Variants in CCDC57 observed in about 807,000 individuals in gnomAD.
The protein encoded by CCDC57 is coiled-coil domain containing 57.
A neutral mutation model predicts 118.9 loss-of-function variants in CCDC57; 118 were observed. That is an observed-to-expected ratio of 0.99 (90% CI 0.86 to 1.16). The LOEUF (loss-of-function observed/expected upper bound fraction) is 1.16, where lower values mean the gene tolerates loss of function less well. CCDC57 is among the 50% of genes most tolerant of loss of function. CCDC57 has a pLI of 0.00. For missense variants in CCDC57, 1,300 were observed against 1,320.7 expected, an observed-to-expected ratio of 0.98 and a Z score of 0.24; for synonymous variants, 527 against 532.9, an observed-to-expected ratio of 0.99 and a Z score of 0.15.
At chr17:82,152,132 C>T (rs375722773) in intron 15 of CCDC57, 4 of 282,714 alleles carry the variant, frequency 1.4e-5, no homozygotes, top group African/African-American at 6.6e-5. Context: ...CCAACCAGCA[C>T]AGCAGCTCCC....
At chr17:82,183,631 C>A (rs2046474438) in intron 9 of CCDC57, 143 bp downstream of exon 8, 1 of 813,988 alleles carries the variant, frequency 1.2e-6, no homozygotes, top group South Asian at 2.0e-5. Flanking sequence ...ACCAGACATT[C>A]TATCTGTCTT....
At chr17:82,157,129 G>T (rs1419664583) in intron 15 of CCDC57, 1 of 153,398 alleles carries the variant, frequency 6.5e-6, no homozygotes, top group African/African-American at 2.4e-5. Flanking sequence ...GAAGAAGGGG[G>T]CCCTGCTGGT....
chr17:82,158,674 C>T (rs1382724945), intron 14 of CCDC57, among the ~76,000 whole-genome samples: 2 of 124,494 alleles, frequency 1.6e-5, no homozygotes, highest in South Asian at 2.8e-4. Context: ...GGCGACAGAG[C>T]GAGACTCCAT....
intron 16 of CCDC57, among the ~76,000 whole-genome samples, chr17:82,136,026 T>G (rs763005715): frequency 1.4e-4 from 22 of 152,128 alleles, no homozygotes; most frequent in Non-Finnish European, 2.5e-4. Flanking sequence ...AATCAGAACC[T>G]TCGTGCGCAG....
intron 17 of CCDC57, 140 bp from the exon 17 acceptor site, chr17:82,128,737 C>T (rs962025009): frequency 1.9e-4 from 129 of 673,402 alleles, no homozygotes; most frequent in Admixed American, 3.6e-4. Flanking sequence ...GGTGACAGCC[C>T]GGACTGAAGG....
At position 82,123,122 on chromosome 17, in the gene CCDC57, C is replaced by CTTTT. The variant is rs34869339; in HGVS notation, c.2899+4566_2899+4569dup. On this transcript the variant is annotated intron_variant, in intron 19 of 19. Coordinates refer to ENST00000665763, the Ensembl canonical transcript of CCDC57. ...TTAACCACTCCTTCCCTCCTAATAACTTTTTTTTTTTTTTTTTTTTTGTAG... is the reference window on the plus strand; with the variant it reads ...TTAACCACTCCTTCCCTCCTAATAACTTTTTTTTTTTTTTTTTTTTTTTTTGTAG... Among the ~76,000 whole-genome samples the CTTTT allele has an allele frequency of 1.2e-3, 129 of 105,768 alleles. 3 individuals carry two copies. Among genetic ancestry groups the CTTTT allele is most frequent in the Middle Eastern group, 0.01 (2 of 196 alleles). The allele number at this position is 105,768 out of a possible 152,430, so 69.4% of individuals were successfully genotyped here.
At chr17:82,133,538 T>A (rs2145393979) in intron 17 of CCDC57, among the ~76,000 whole-genome samples, 1 of 145,514 alleles carries the variant, frequency 6.9e-6, no homozygotes, top group Non-Finnish European at 1.5e-5. Flanking sequence ...GTAAAACATA[T>A]ACATGATACA....
chr17:82,183,845 C>A (rs2046508698), exon 9 of CCDC57: 1 of 1,611,732 alleles, frequency 6.2e-7, no homozygotes, highest in African/African-American at 1.3e-5. Context: ...GCGTCTGAAT[C>A]TGAAGGTCTC....
intron 15 of CCDC57, chr17:82,156,653 A>G (rs9911379): frequency 0.47 from 71,145 of 152,088 alleles, 17,460 homozygotes; most frequent in East Asian, 0.88. Context: ...GTGCAGCTCA[A>G]TATCTTACCG....
chr17:82,211,647 G>T (rs6502089), intron 1 of CCDC57, among the ~76,000 whole-genome samples: 1 of 151,108 alleles, frequency 6.6e-6, no homozygotes, highest in African/African-American at 2.4e-5. Flanking sequence ...TCTCGGTGTG[G>T]TACCCTACTT....
chr17:82,158,846 C>A (rs989869230), intron 14 of CCDC57, among the ~76,000 whole-genome samples: 1 of 150,774 alleles, frequency 6.6e-6, no homozygotes, highest in African/African-American at 2.4e-5. Context: ...GTGTGAGCCA[C>A]CGCATCCAGC....
chr17:82,177,176 C>T (rs995205730), intron 11 of CCDC57, among the ~76,000 whole-genome samples: 17 of 151,666 alleles, frequency 1.1e-4, no homozygotes, highest in Non-Finnish European at 2.4e-4. Flanking sequence ...GTCAGGAGTT[C>T]GAGATCAGCC....
In CCDC57 at chr17:82,190,051, G is replaced by A. The variant is rs575436217; in HGVS notation, c.852-1632C>T. ...AAATGATGAGACACTAGTCATCTCC[G>A]TGTGAGCAGTTTGTCTCTCCAGTAA... On this transcript the variant is annotated intron_variant, in intron 7 of 19. Coordinates refer to ENST00000665763, the Ensembl canonical transcript of CCDC57. Among the ~76,000 whole-genome samples, 19 of 152,072 alleles carry A rather than the reference G, an allele frequency of 1.2e-4. No individual in the cohort carries two copies. In the South Asian group the frequency reaches 2.3e-3, roughly 19 times the overall value.
At chr17:82,163,398 C>T (rs779780741) in intron 13 of CCDC57, 41 bp from the exon 13 acceptor site, 40 of 1,604,098 alleles carry the variant, frequency 2.5e-5, no homozygotes, top group Admixed American at 5.0e-5. Context: ...TACCTGAGAA[C>T]AAAGGAAGAC....
At chr17:82,178,334 C>G (rs1278391158) in intron 11 of CCDC57, 140 bp downstream of exon 10, 15 of 1,001,182 alleles carry the variant, frequency 1.5e-5, no homozygotes, top group Non-Finnish European at 2.1e-5. Context: ...TCTGACTCAC[C>G]CTTGTTTGTG....
At chr17:82,184,008 AAT>A in intron 8 of CCDC57, 76 bp from the exon 8 acceptor site, 1 of 998,080 alleles carries the variant, frequency 1.0e-6, no homozygotes, top group South Asian at 1.5e-5. Flanking sequence ...CCCCCCAGCA[AAT>A]ACACATGCGC....
At chr17:82,164,213 T>TAA (rs111408611) in intron 13 of CCDC57, among the ~76,000 whole-genome samples, 46 of 148,240 alleles carry the variant, frequency 3.1e-4, no homozygotes, top group African/African-American at 1.1e-3. Context: ...CTGTCTCTGC[T>TAA]AAAAAAAAAA....
chr17:82,101,866 T>C, exon 20 of CCDC57: 7 of 1,568,908 alleles, frequency 4.5e-6, no homozygotes, highest in Non-Finnish European at 6.0e-6. Flanking sequence ...AGCTGGGAGC[T>C]CTGTCAGGTA....
chr17:82,210,993 TAAAAAA>T (rs1207759837), intron 1 of CCDC57, among the ~76,000 whole-genome samples: 2 of 68,860 alleles, frequency 2.9e-5, no homozygotes, highest in East Asian at 3.8e-4. Context: ...GACTCCGTCT[TAAAAAA>T]AAAAAAAAAA....
Sources: gnomAD v4.1 joint callset for allele counts (sites outside exome capture counted in the v4.1 genomes callset) on GRCh38, gnomAD v4.1.1 for gene constraint, MANE v1.5 for transcripts, NCBI Gene and HGNC (gene_info 2026-07-23, HGNC 2026-07-21) for gene names.